Variants in TP53BP1 observed in about 807,000 individuals in gnomAD.
TP53BP1 encodes the protein TP53-binding protein 1.
In TP53BP1, 61 loss-of-function variants were observed where a neutral mutation model predicts 200.8. The observed-to-expected ratio is 0.30, with a 90% CI of 0.25 to 0.38. The LOEUF (loss-of-function observed/expected upper bound fraction) is 0.38, where lower values mean the gene tolerates loss of function less well. Among genes scored for constraint, TP53BP1 ranks in the 10% least tolerant of loss-of-function variants. The probability of loss-of-function intolerance (pLI) is 1.00; values close to 1 mark genes in which losing one functional copy is unlikely to be tolerated. For missense variants in TP53BP1, 2,144 were observed against 2,371.9 expected, an observed-to-expected ratio of 0.90 and a Z score of 2.00; for synonymous variants, 822 against 844.3, an observed-to-expected ratio of 0.97 and a Z score of 0.46.
At chr15:43,495,272 G>A (rs1293845820), upstream of TP53BP1, among the ~76,000 whole-genome samples, 2 of 151,974 alleles carry the variant, frequency 1.3e-5, no homozygotes, top group African/African-American at 4.8e-5. Flanking sequence ...GGACGAGGCG[G>A]GCGGATCATG....
At chr15:43,502,097 T>C (rs1011558833) in intron 1 of TP53BP1, among the ~76,000 whole-genome samples, 1 of 152,040 alleles carries the variant, frequency 6.6e-6, no homozygotes, top group Non-Finnish European at 1.5e-5. Flanking sequence ...AGTTGAGAGG[T>C]TCGCTTGAGC....
intron 11 of TP53BP1, among the ~76,000 whole-genome samples, chr15:43,467,647 C>CA (rs2046617913): frequency 6.6e-6 from 1 of 152,150 alleles, no homozygotes; most frequent in East Asian, 1.9e-4. Flanking sequence ...CTCCACCCCC[C>CA]CAACCAGCAG....
chr15:43,490,850 C>T (rs540548373), intron 4 of TP53BP1, among the ~76,000 whole-genome samples: 62 of 152,274 alleles, frequency 4.1e-4, no homozygotes, highest in Middle Eastern at 3.4e-3. Context: ...CGTACAGCTG[C>T]TTTAAGAATA....
chr15:43,489,195 G>A (rs924268637), intron 4 of TP53BP1, among the ~76,000 whole-genome samples: 1 of 152,222 alleles, frequency 6.6e-6, no homozygotes, highest in African/African-American at 2.4e-5. Context: ...AGCTACTGAT[G>A]TAATGACTCA....
chr15:43,478,622 G>A (rs1251016836), intron 7 of TP53BP1, among the ~76,000 whole-genome samples: 1 of 152,148 alleles, frequency 6.6e-6, no homozygotes, highest in Non-Finnish European at 1.5e-5. Context: ...ATGAAGCAGA[G>A]GCACATTCCC....
intron 11 of TP53BP1, among the ~76,000 whole-genome samples, chr15:43,469,134 T>A (rs1404605891): frequency 2.0e-5 from 3 of 152,200 alleles, no homozygotes; most frequent in African/African-American, 2.4e-5. Context: ...ATTGAATATA[T>A]AATAGTCATT....
At position 43,421,890 on chromosome 15, in the gene TP53BP1, G is replaced by A. The variant is rs1180115548; in HGVS notation, c.4065C>T (p.Ala1355=). The change falls in exon 19 of 28, where the codon GCC becomes GCT. Residue 1355 remains alanine, a synonymous_variant. Coordinates refer to ENST00000382044, the MANE Select transcript of TP53BP1 (RefSeq NM_001141980.3). Reference sequence around the variant, plus strand: ...CTGGGCCTCCTCGGGAGCTGGGTAAGGCAAAATCTGCGGGTTCTGTCCCGC... The same window carrying A: ...CTGGGCCTCCTCGGGAGCTGGGTAAAGCAAAATCTGCGGGTTCTGTCCCGC... ...KTSGTEPADF[A]LPSSRGGPGK... is the part of the protein sequence containing the mutation. The A allele has an allele frequency of 1.2e-6, 2 of 1,614,242 alleles. No homozygotes were observed. The highest frequency in any genetic ancestry group is 1.7e-5 in the Admixed American group (1 of 60,030).
intron 1 of TP53BP1, among the ~76,000 whole-genome samples, chr15:43,507,259 C>T (rs548468059): frequency 7.9e-5 from 12 of 152,184 alleles, no homozygotes; most frequent in Admixed American, 5.2e-4. Flanking sequence ...CTCAGCCTCC[C>T]GAGTAGCTGG....
rs1039884623 is a variant in TP53BP1 at position 43,492,087 on chromosome 15, C to A, written c.201G>T (p.Val67=). The part of the protein sequence containing the change: ...THKENPVLDV[V]SNPEQTAGEE... ...CTCCAGCTGTTTGTTCAGGATTGGA[C>A]ACAACATCCTAGAAAATACACATAC... The change falls in exon 3 of 28, where the codon GTG becomes GTT. Residue 67 remains valine, a synonymous_variant. Transcript: ENST00000382044. 3.1e-6 allele frequency: 5 copies of A among 1,612,092 alleles called. No individual in the cohort carries two copies. In the African/African-American group the frequency reaches 6.7e-5, roughly 22 times the overall value.
At chr15:43,415,550 C>T in intron 23 of TP53BP1, 44 bp downstream of exon 23, 1 of 1,597,608 alleles carries the variant, frequency 6.3e-7, no homozygotes. Flanking sequence ...ACCCTGCATT[C>T]TGCCATGGTC....
chr15:43,481,151 A>T, intron 4 of TP53BP1, 129 bp from the exon 5 acceptor site: 1 of 952,186 alleles, frequency 1.1e-6, no homozygotes, highest in Non-Finnish European at 1.6e-6. Context: ...CCTCACCTTT[A>T]TAGTGCTTCT....
intron 13 of TP53BP1, 196 bp downstream of exon 13, chr15:43,447,170 C>A: frequency 1.7e-6 from 1 of 587,724 alleles, no homozygotes; most frequent in Non-Finnish European, 3.0e-6. Flanking sequence ...TCCCTCCACC[C>A]TTTCTTTCCT....
rs185383108 is a variant in TP53BP1, at chr15:43,404,800, T to A, written c.*2583A>T. On this transcript the variant is annotated 3_prime_UTR_variant, in exon 28 of 28. Coordinates refer to ENST00000382044, the MANE Select transcript of TP53BP1 (RefSeq NM_001141980.3). Reference sequence around the variant, plus strand: ...GTTAAGTCCTTTGCTAGGTTATGTATTGCTATGCTGGGAGGCAGTGGGCCT... The same window carrying A: ...GTTAAGTCCTTTGCTAGGTTATGTAATGCTATGCTGGGAGGCAGTGGGCCT... 1 of 515,436 alleles carries A rather than the reference T, an allele frequency of 1.9e-6. No individual in the cohort carries two copies. Among genetic ancestry groups the A allele is most frequent in the Non-Finnish European group, 3.4e-6 (1 of 294,060 alleles). 31.9% of individuals were successfully genotyped at this position (515,436 alleles called of 1,614,324 possible).
chr15:43,423,292 G>A (rs1038503943), intron 18 of TP53BP1, among the ~76,000 whole-genome samples: 1 of 151,206 alleles, frequency 6.6e-6, no homozygotes, highest in African/African-American at 2.4e-5. Flanking sequence ...GAATGTTCAC[G>A]CAATATTATG....
Position 43,417,543 on chromosome 15 carries a change from T to C in TP53BP1, c.4682-1127A>G, listed in dbSNP as rs566148764. On this transcript the variant is annotated intron_variant, in intron 21 of 27. Coordinates refer to ENST00000382044, the MANE Select transcript of TP53BP1 (RefSeq NM_001141980.3). ...GCTACTAGAACTAGAAGTAGTCTAG[T>C]GTTGACATGAGCAAACAGCCTCAAG... Among the ~76,000 whole-genome samples, 8 of 152,346 alleles carry C rather than the reference T, an allele frequency of 5.3e-5. 1 individual carries two copies. In the South Asian group the frequency reaches 1.7e-3, roughly 32 times the overall value.
In TP53BP1 at chr15:43,456,724, C is replaced by T. The variant is rs191782042; in HGVS notation, c.1884G>A (p.Ser628=). ...EDVCIDLTCD[S]GSQAVPSPAT... is the part of the protein sequence containing the mutation. Reference sequence around the variant, plus strand: ...CTGGTGACGGAACTGCCTGACTCCCCGAATCACAAGTGAGATCAATACAAA... The same window carrying T: ...CTGGTGACGGAACTGCCTGACTCCCTGAATCACAAGTGAGATCAATACAAA... Residue 628 remains serine (S), a synonymous_variant, in exon 12 of 28, where the codon TCG becomes TCA. Coordinates refer to ENST00000382044, the MANE Select transcript of TP53BP1 (RefSeq NM_001141980.3). 23 of 1,614,096 alleles carry T rather than the reference C, an allele frequency of 1.4e-5. No homozygotes were observed. The highest frequency in any genetic ancestry group is 5.0e-5 in the Admixed American group (3 of 60,016).
At position 43,456,316 on chromosome 15, in the gene TP53BP1, T is replaced by A; in HGVS notation, c.2292A>T (p.Val764=). 6.2e-7 allele frequency: 1 copy of A among 1,614,104 alleles called. No homozygotes were observed. Among genetic ancestry groups the A allele is most frequent in the Non-Finnish European group, 8.5e-7 (1 of 1,180,034 alleles). The stretch of plus-strand genomic sequence containing the variant: ...CTCTGGGAGATGGCTCTTTCACATC[T>A]ACAATGACAACACTGGAGTCCTCTG... ...ATSEDSSVVI[V]DVKEPSPRVD... Residue 764 remains valine, a synonymous_variant, in exon 12 of 28, where the codon GTA becomes GTT. Transcript: ENST00000382044.
chr15:43,408,349 C>T (rs143944804), intron 26 of TP53BP1: 58 of 356,798 alleles, frequency 1.6e-4, no homozygotes, highest in East Asian at 3.6e-4. Flanking sequence ...GGTGTGGTGG[C>T]GAGTGCCTGT....
intron 24 of TP53BP1, among the ~76,000 whole-genome samples, chr15:43,412,102 C>T (rs2045132647): frequency 6.6e-6 from 1 of 152,166 alleles, no homozygotes; most frequent in African/African-American, 2.4e-5. Flanking sequence ...CTTGAAATCC[C>T]ACCACACCAC....
Sources: allele counts gnomAD v4.1 joint callset (sites outside exome capture counted in the v4.1 genomes callset), GRCh38; gene constraint gnomAD v4.1.1; transcripts MANE v1.5; gene names NCBI Gene and HGNC (gene_info 2026-07-23, HGNC 2026-07-21).